PEBP4: variants seen among roughly 807,000 people sequenced by gnomAD.
The protein encoded by PEBP4 is phosphatidylethanolamine binding protein 4.
A neutral mutation model predicts 23.9 loss-of-function variants in PEBP4; 22 were observed. The observed-to-expected ratio is 0.92, with a 90% CI of 0.66 to 1.31. The LOEUF is 1.31. PEBP4 is among the 40% of genes most tolerant of loss of function. The probability of loss-of-function intolerance (pLI) is 0.00; values close to 1 mark genes in which losing one functional copy is unlikely to be tolerated. For synonymous variants in PEBP4, 112 were observed against 99.3 expected, an observed-to-expected ratio of 1.13 and a Z score of -0.76; for missense variants, 324 against 281.7, an observed-to-expected ratio of 1.15 and a Z score of -1.07.
intron 4 of PEBP4, among the ~76,000 whole-genome samples, chr8:22,766,923 G>A (rs1203972078): frequency 6.6e-6 from 1 of 152,218 alleles, no homozygotes; most frequent in African/African-American, 2.4e-5. Context: ...CCTTAGGTGA[G>A]TTATGGGACC....
At chr8:22,937,067 A>G (rs529492087) in intron 1 of PEBP4, among the ~76,000 whole-genome samples, 5 of 152,336 alleles carry the variant, frequency 3.3e-5, no homozygotes, top group African/African-American at 1.2e-4. Flanking sequence ...TGCCACTCTT[A>G]TTCAACATAT....
chr8:22,829,503 T>G (rs1807037699), intron 3 of PEBP4, among the ~76,000 whole-genome samples: 1 of 152,208 alleles, frequency 6.6e-6, no homozygotes, highest in African/African-American at 2.4e-5. Context: ...CATCAAATAG[T>G]AAGTTCTTCA....
chr8:22,918,969 G>A (rs907698480), intron 3 of PEBP4, among the ~76,000 whole-genome samples: 1 of 149,050 alleles, frequency 6.7e-6, no homozygotes, highest in African/African-American at 2.5e-5. Flanking sequence ...TTTATTGCTC[G>A]TCTTCCCAAA....
intron 4 of PEBP4, among the ~76,000 whole-genome samples, chr8:22,794,007 C>G (rs1339005654): frequency 6.6e-6 from 1 of 152,042 alleles, no homozygotes; most frequent in African/African-American, 2.4e-5. Context: ...ATTTAATGGC[C>G]ACAGTTGGGG....
chr8:22,798,013 C>A (rs990793925), intron 4 of PEBP4, among the ~76,000 whole-genome samples: 1 of 151,954 alleles, frequency 6.6e-6, no homozygotes, highest in Non-Finnish European at 1.5e-5. Flanking sequence ...AACAAGGCAG[C>A]GTGGAATCAG....
chr8:22,876,548 T>C (rs1487158869), intron 3 of PEBP4, among the ~76,000 whole-genome samples: 1 of 152,072 alleles, frequency 6.6e-6, no homozygotes, highest in African/African-American at 2.4e-5. Flanking sequence ...AGGAGAGAGG[T>C]CACCATCCAG....
At chr8:22,877,763 C>T (rs1021564582) in intron 3 of PEBP4, among the ~76,000 whole-genome samples, 15 of 152,178 alleles carry the variant, frequency 9.9e-5, no homozygotes, top group Non-Finnish European at 2.1e-4. Context: ...CGCTGTCGCT[C>T]GGCAGAACAT....
At chr8:22,768,528 G>A (rs577294828) in intron 4 of PEBP4, among the ~76,000 whole-genome samples, 5 of 152,298 alleles carry the variant, frequency 3.3e-5, no homozygotes, top group Non-Finnish European at 5.9e-5. Context: ...GACAGTTCCC[G>A]GGCCTCCGGT....
At chr8:22,772,493 C>CT (rs34489811) in intron 4 of PEBP4, among the ~76,000 whole-genome samples, 46,300 of 121,328 alleles carry the variant, frequency 0.38, 9,930 homozygotes, top group Admixed American at 0.45. Context: ...CTCTCTCTCT[C>CT]TTTTTTTTTT....
chr8:22,925,903 G>T (rs1430802204), intron 2 of PEBP4, among the ~76,000 whole-genome samples: 1 of 152,218 alleles, frequency 6.6e-6, no homozygotes, highest in Non-Finnish European at 1.5e-5. Flanking sequence ...GATCCCACTT[G>T]TGAGAGGCAA....
intron 1 of PEBP4, among the ~76,000 whole-genome samples, chr8:22,937,489 T>G (rs573728361): frequency 6.6e-6 from 1 of 152,300 alleles, no homozygotes; most frequent in South Asian, 2.1e-4. Flanking sequence ...GACTTAATAT[T>G]GTTAAAATGA....
At chr8:22,731,161 C>T (rs982182712) in intron 4 of PEBP4, among the ~76,000 whole-genome samples, 1 of 152,122 alleles carries the variant, frequency 6.6e-6, no homozygotes, top group Non-Finnish European at 1.5e-5. Context: ...GATTTGTGTC[C>T]ACCTATAAAC....
At chr8:22,905,846 GA>G (rs1179756221) in intron 3 of PEBP4, among the ~76,000 whole-genome samples, 2 of 152,200 alleles carry the variant, frequency 1.3e-5, no homozygotes, top group Non-Finnish European at 2.9e-5. Flanking sequence ...ATAACATACT[GA>G]AAAAGGTACA....
chr8:22,852,955 T>C (rs1305943486), intron 3 of PEBP4, among the ~76,000 whole-genome samples: 1 of 152,222 alleles, frequency 6.6e-6, no homozygotes. Context: ...AGGGCATCAT[T>C]AGCGCAGCCA....
chr8:22,760,570 CA>C (rs1048645894), intron 4 of PEBP4, among the ~76,000 whole-genome samples: 6 of 151,594 alleles, frequency 4.0e-5, no homozygotes, highest in African/African-American at 9.7e-5. Context: ...GGGAGGATGG[CA>C]GGGGGGGCAG....
At chr8:22,767,599 C>T (rs1335982594) in intron 4 of PEBP4, among the ~76,000 whole-genome samples, 1 of 151,594 alleles carries the variant, frequency 6.6e-6, no homozygotes, top group African/African-American at 2.4e-5. Context: ...AATAATCTCA[C>T]CTTGCCGGGG....
chr8:22,837,890 CTTTTTTTT>C (rs746772591), intron 3 of PEBP4, among the ~76,000 whole-genome samples: 14 of 64,566 alleles, frequency 2.2e-4, no homozygotes, highest in South Asian at 8.8e-4. Flanking sequence ...TTATTATATT[CTTTTTTTT>C]TTTTTTTTTT....
At chr8:22,723,897 C>T (rs1012020238) in intron 6 of PEBP4, among the ~76,000 whole-genome samples, 6 of 152,150 alleles carry the variant, frequency 3.9e-5, no homozygotes, top group African/African-American at 1.2e-4. Flanking sequence ...CCTCCGGCAT[C>T]GCGGTTGTAG....
At chr8:22,926,903 G>T (rs1055040241) in intron 2 of PEBP4, among the ~76,000 whole-genome samples, 1 of 152,192 alleles carries the variant, frequency 6.6e-6, no homozygotes, top group Admixed American at 6.5e-5. Context: ...AACTGGCAGG[G>T]AGGTTTGGCA....
Sources: gnomAD v4.1 joint callset for allele counts (sites outside exome capture counted in the v4.1 genomes callset) on GRCh38, gnomAD v4.1.1 for gene constraint, MANE v1.5 for transcripts, NCBI Gene and HGNC (gene_info 2026-07-23, HGNC 2026-07-21) for gene names.